The following CAMK2D variants were observed in gnomAD, a reference collection of about 807,000 sequenced individuals.
The protein encoded by CAMK2D is calcium/calmodulin-dependent protein kinase type II subunit delta.
In CAMK2D, 37 loss-of-function variants were observed where a neutral mutation model predicts 84.0. The ratio of observed to expected loss-of-function variants is 0.44; its 90% CI spans 0.34 to 0.58. CAMK2D has a LOEUF of 0.58. Ranked by LOEUF, CAMK2D falls within the 20% of genes least tolerant of loss-of-function variation. The pLI is 0.02. For missense variants in CAMK2D, 448 were observed against 652.5 expected (o/e 0.69, Z 3.41); for synonymous variants, 202 against 212.5 (o/e 0.95, Z 0.43).
chr4:113,636,806 T>A lies in CAMK2D; in HGVS notation c.220+24907A>T, dbSNP rs2099111475. 2.0e-5 allele frequency among the ~76,000 whole-genome samples: 3 copies of A among 152,208 alleles called. No individual in the cohort carries two copies. In the South Asian group the frequency reaches 6.2e-4, roughly 32 times the overall value. On this transcript the variant is annotated intron_variant, in intron 3 of 20. Coordinates refer to ENST00000511664, the MANE Select transcript of CAMK2D (RefSeq NM_001321571.2). ...TAAAGGGCCCTATCTCTAAATACCATCACATTGGGGATTTGAACTTCAACA... is the reference window on the plus strand; with the variant it reads ...TAAAGGGCCCTATCTCTAAATACCAACACATTGGGGATTTGAACTTCAACA...
intron 4 of CAMK2D, among the ~76,000 whole-genome samples, chr4:113,588,747 T>G (rs1012895602): frequency 3.9e-5 from 6 of 152,186 alleles, no homozygotes; most frequent in African/African-American, 1.4e-4. Context: ...TGAACATCTG[T>G]TATGTGCTCT....
intron 13 of CAMK2D, among the ~76,000 whole-genome samples, chr4:113,508,957 TATGTACCATA>T (rs1273293317): frequency 1.3e-5 from 2 of 152,218 alleles, no homozygotes; most frequent in African/African-American, 2.4e-5. Context: ...CAAACATCAT[TATGTACCATA>T]AGATTACATT....
In CAMK2D at chr4:113,460,172, A is replaced by T. The variant is rs2154104581; in HGVS notation, c.1281T>A (p.Asp427Glu). ...CATTTTCAAAGTAGAATCGGTGAAA[A>T]TCCATCCCTTCCACTAAATTACCCA... ...EALGNLVEGM[D>E]FHRFYFENAL... The change falls in exon 18 of 21, where the codon GAT (aspartate) becomes GAA (glutamate). Residue 427 changes from aspartate (D) to glutamate (E), a missense_variant. Physicochemically the swap from Asp to Glu is conservative, Grantham distance 45 (BLOSUM62 2). Transcript: ENST00000511664. 6.3e-7 allele frequency: 1 copy of T among 1,597,494 alleles called. No homozygotes were observed. Among genetic ancestry groups the T allele is most frequent in the Middle Eastern group, 1.7e-4 (1 of 6,000 alleles).
intron 2 of CAMK2D, among the ~76,000 whole-genome samples, chr4:113,726,858 A>C (rs1242812227): frequency 6.6e-6 from 1 of 152,122 alleles, no homozygotes; most frequent in Non-Finnish European, 1.5e-5. Context: ...TTTGGAAAAC[A>C]ATTTTTTTTG....
At chr4:113,607,758 C>G (rs980349223) in intron 4 of CAMK2D, among the ~76,000 whole-genome samples, 1 of 152,154 alleles carries the variant, frequency 6.6e-6, no homozygotes, top group African/African-American at 2.4e-5. Context: ...GACTAAAAAG[C>G]GTTACTGCTC....
intron 2 of CAMK2D, among the ~76,000 whole-genome samples, chr4:113,726,208 A>C (rs549954825): frequency 7.9e-5 from 12 of 152,236 alleles, no homozygotes; most frequent in Non-Finnish European, 1.8e-4. Flanking sequence ...TTGAAAGATG[A>C]ATGTTCTGAA....
intron 4 of CAMK2D, among the ~76,000 whole-genome samples, chr4:113,575,022 T>C (rs1340782287): frequency 6.6e-6 from 1 of 152,208 alleles, no homozygotes; most frequent in Non-Finnish European, 1.5e-5. Flanking sequence ...CTTCAAGTTT[T>C]AACAGCCAAT....
At chr4:113,712,779 AAAAAAAAGGG>A (rs751917530) in intron 2 of CAMK2D, among the ~76,000 whole-genome samples, 7 of 151,906 alleles carry the variant, frequency 4.6e-5, no homozygotes, top group Non-Finnish European at 7.4e-5. Context: ...TTCCAAAAAG[AAAAAAAAGGG>A]AAAAAAAGTC....
intron 1 of CAMK2D, 68 bp downstream of exon 1, chr4:113,760,936 G>A (rs1317845990): frequency 1.2e-5 from 19 of 1,598,212 alleles, no homozygotes; most frequent in Non-Finnish European, 1.5e-5. Flanking sequence ...GAGGCCGGTG[G>A]GTCGGGGGCA....
intron 2 of CAMK2D, among the ~76,000 whole-genome samples, chr4:113,672,225 T>A (rs56916585): frequency 0.018 from 2,795 of 152,248 alleles, 78 homozygotes; most frequent in African/African-American, 0.064. Context: ...ACATTAGTCA[T>A]GAGTGACCCG....
At chr4:113,750,456 G>T (rs547050861) in intron 2 of CAMK2D, among the ~76,000 whole-genome samples, 86 of 152,190 alleles carry the variant, frequency 5.7e-4, no homozygotes, top group African/African-American at 1.9e-3. Context: ...CCCCAAGCCT[G>T]TTTCTGCATG....
intron 2 of CAMK2D, among the ~76,000 whole-genome samples, chr4:113,712,092 G>T (rs2154355404): frequency 6.6e-6 from 1 of 152,154 alleles, no homozygotes; most frequent in South Asian, 2.1e-4. Flanking sequence ...GTAAGTCATT[G>T]AACTTTCTTA....
At chr4:113,600,350 G>A (rs764824403) in intron 4 of CAMK2D, among the ~76,000 whole-genome samples, 3 of 152,112 alleles carry the variant, frequency 2.0e-5, no homozygotes, top group Non-Finnish European at 2.9e-5. Context: ...TATAACTAAT[G>A]TACTAATGTT....
intron 3 of CAMK2D, among the ~76,000 whole-genome samples, chr4:113,640,182 A>G (rs192656277): frequency 6.6e-6 from 1 of 152,276 alleles, no homozygotes; most frequent in Non-Finnish European, 1.5e-5. Context: ...TTTTATGCAC[A>G]GTATGATTAC....
intron 3 of CAMK2D, among the ~76,000 whole-genome samples, chr4:113,624,664 A>G (rs1016084811): frequency 3.9e-5 from 6 of 152,200 alleles, no homozygotes; most frequent in African/African-American, 2.4e-5. Flanking sequence ...CTCTGTATTT[A>G]CTGTGGCTAG....
chr4:113,634,506 T>C (rs1259350901), intron 3 of CAMK2D, among the ~76,000 whole-genome samples: 1 of 152,104 alleles, frequency 6.6e-6, no homozygotes, highest in Non-Finnish European at 1.5e-5. Context: ...GAAAAAGCAT[T>C]ATTGAGCATA....
Position 113,709,781 on chromosome 4 carries a change from A to C in CAMK2D, c.161-48009T>G, listed in dbSNP as rs543422988. Among the ~76,000 whole-genome samples the C allele has an allele frequency of 1.1e-3, 141 of 125,230 alleles. 2 individuals are homozygous for C. Among genetic ancestry groups the C allele is most frequent in the African/African-American group, 4.3e-3 (132 of 30,772 alleles). The allele number at this position is 125,230 out of a possible 152,430, so 82.2% of individuals were successfully genotyped here. A position where few individuals can be genotyped will look rare whatever the true frequency, so the allele number is the denominator to read the frequency against. Reference sequence around the variant, plus strand: ...TATATATATATATATATATATATATATGAGAGACTTCACACTGAATATTAA... The same window carrying C: ...TATATATATATATATATATATATATCTGAGAGACTTCACACTGAATATTAA... On this transcript the variant is annotated intron_variant, in intron 2 of 20. Transcript: ENST00000511664.
chr4:113,617,368 C>T (rs2099025417), intron 3 of CAMK2D, among the ~76,000 whole-genome samples: 1 of 151,560 alleles, frequency 6.6e-6, no homozygotes. Context: ...GAGGCTGAGG[C>T]AGGAGAATCG....
chr4:113,753,427 G>A (rs539067442), intron 2 of CAMK2D, among the ~76,000 whole-genome samples: 179 of 152,040 alleles, frequency 1.2e-3, no homozygotes, highest in African/African-American at 3.8e-3. Flanking sequence ...TTGTGTCATT[G>A]TGTGTAATTA....
Sources: gnomAD v4.1 joint callset for allele counts (sites outside exome capture counted in the v4.1 genomes callset) on GRCh38, gnomAD v4.1.1 for gene constraint, MANE v1.5 for transcripts, NCBI Gene and HGNC (gene_info 2026-07-23, HGNC 2026-07-21) for gene names.